BBS9: variants seen among roughly 807,000 people sequenced by gnomAD.
BBS9 encodes protein PTHB1.
BBS9 carries 89 observed loss-of-function variants against 117.7 expected under a neutral mutation model. The observed-to-expected ratio is 0.76, with a 90% CI of 0.64 to 0.90. BBS9 has a LOEUF of 0.90. Among genes scored for constraint, BBS9 ranks in the 40% least tolerant of loss-of-function variants. The probability of loss-of-function intolerance (pLI) is 0.00; values close to 1 mark genes in which losing one functional copy is unlikely to be tolerated. For missense variants in BBS9, 982 were observed against 1,042.2 expected, an observed-to-expected ratio of 0.94 and a Z score of 0.80; for synonymous variants, 379 against 370.9, an observed-to-expected ratio of 1.02 and a Z score of -0.25.
rs113252454 is a variant in BBS9 at position 33,566,467 on chromosome 7, C to G, written c.2521+32291C>G. Among the ~76,000 whole-genome samples the G allele has an allele frequency of 6.6e-3, 1,007 of 152,036 alleles. 6 individuals are homozygous for G. Among genetic ancestry groups the G allele is most frequent in the African/African-American group, 0.023 (942 of 41,494 alleles). The stretch of plus-strand genomic sequence containing the variant: ...AGAGAATTTTGGGAGTAACATCACC[C>G]TTAAAGTTCCCACTTAATGAAGAAA... On this transcript the variant is annotated intron_variant, in intron 21 of 22. Transcript: ENST00000242067.
chr7:33,541,960 T>C (rs1326994089), intron 21 of BBS9, among the ~76,000 whole-genome samples: 2 of 141,952 alleles, frequency 1.4e-5, no homozygotes, highest in African/African-American at 5.2e-5. Flanking sequence ...TTTAAAAACA[T>C]TTTTTAGTGT....
chr7:33,557,531 AT>A (rs1855475453), intron 21 of BBS9, among the ~76,000 whole-genome samples: 1 of 16,666 alleles, frequency 6.0e-5, no homozygotes, highest in Admixed American at 9.3e-4. Context: ...AACTTGACCC[AT>A]TTAGTTTCAT....
chr7:33,492,202 C>CAAAAAAAAAAAAAAAA (rs1563251353), intron 19 of BBS9, among the ~76,000 whole-genome samples: 6 of 41,092 alleles, frequency 1.5e-4, no homozygotes, highest in African/African-American at 1.0e-3. Context: ...GATTCCACCT[C>CAAAAAAAAAAAAAAAA]GAAAAAAAAA....
intron 5 of BBS9, 40 bp downstream of exon 5, chr7:33,177,631 C>A: frequency 7.5e-7 from 1 of 1,339,470 alleles, no homozygotes; most frequent in Non-Finnish European, 1.1e-6. Context: ...TTTCAAGTGA[C>A]AGATTTAGAA....
chr7:33,236,675 G>C (rs372975693), intron 5 of BBS9, among the ~76,000 whole-genome samples: 1 of 151,840 alleles, frequency 6.6e-6, no homozygotes, highest in Non-Finnish European at 1.5e-5. Flanking sequence ...ATATATTAAT[G>C]GGGTACAATG....
rs78104474 is a variant in BBS9, at chr7:33,401,837, C to T, written c.2115+13693C>T. 0.02 allele frequency among the ~76,000 whole-genome samples: 2,988 copies of T among 152,096 alleles called. 199 individuals carry two copies. In the East Asian group the frequency reaches 0.26, roughly 13 times the overall value. On this transcript the variant is annotated intron_variant, in intron 19 of 22. Transcript: ENST00000242067. ...GATTCTACAGAATGTAGATTTTTTTCCCCCACAAGAGACAGCTTTGCAGGG... is the reference window on the plus strand; with the variant it reads ...GATTCTACAGAATGTAGATTTTTTTTCCCCACAAGAGACAGCTTTGCAGGG...
At chr7:33,401,670 G>A (rs1458401832) in intron 19 of BBS9, among the ~76,000 whole-genome samples, 1 of 152,112 alleles carries the variant, frequency 6.6e-6, no homozygotes, top group African/African-American at 2.4e-5. Context: ...GGAATATCTG[G>A]GTTAAGACAA....
intron 9 of BBS9, among the ~76,000 whole-genome samples, chr7:33,305,772 T>A (rs1053323763): frequency 3.3e-5 from 5 of 152,138 alleles, no homozygotes; most frequent in African/African-American, 1.2e-4. Context: ...ATATCTTATT[T>A]TATTTATTTG....
chr7:33,160,444 C>T (rs563554877), intron 4 of BBS9, among the ~76,000 whole-genome samples: 1 of 152,294 alleles, frequency 6.6e-6, no homozygotes, highest in Non-Finnish European at 1.5e-5. Context: ...AGGCTGGCTG[C>T]AAAATCCTTC....
chr7:33,517,441 T>G (rs1847960747), intron 20 of BBS9, among the ~76,000 whole-genome samples: 1 of 152,230 alleles, frequency 6.6e-6, no homozygotes, highest in East Asian at 1.9e-4. Context: ...CAATGACTGA[T>G]AGACTTAGTA....
At chr7:33,360,651 G>T (rs973958721) in intron 16 of BBS9, among the ~76,000 whole-genome samples, 1 of 151,324 alleles carries the variant, frequency 6.6e-6, no homozygotes, top group Non-Finnish European at 1.5e-5. Flanking sequence ...CTCTAGAGTA[G>T]CTGAGACTAC....
intron 21 of BBS9, among the ~76,000 whole-genome samples, chr7:33,617,051 TTTAA>T (rs750019929): frequency 6.6e-6 from 1 of 152,084 alleles, no homozygotes; most frequent in Non-Finnish European, 1.5e-5. Flanking sequence ...ATTCTTTTTT[TTTAA>T]ATAAACGGGT....
chr7:33,485,308 GTTTT>G (rs371550940), intron 19 of BBS9, among the ~76,000 whole-genome samples: 1 of 127,174 alleles, frequency 7.9e-6, no homozygotes, highest in Non-Finnish European at 1.7e-5. Context: ...TAACATAAAA[GTTTT>G]TTTTTTTTTT....
At chr7:33,153,702 T>C (rs10257361) in intron 3 of BBS9, among the ~76,000 whole-genome samples, 76,342 of 151,480 alleles carry the variant, frequency 0.5, 19,266 homozygotes, top group East Asian at 0.67. Flanking sequence ...AGCATTCACA[T>C]TCTTCTAGTG....
intron 19 of BBS9, among the ~76,000 whole-genome samples, chr7:33,440,689 C>T (rs1836033797): frequency 6.6e-6 from 1 of 152,184 alleles, no homozygotes; most frequent in Non-Finnish European, 1.5e-5. Context: ...AATCACAGCA[C>T]ATTAAGTTAG....
chr7:33,546,229 G>T (rs910590280), intron 21 of BBS9, among the ~76,000 whole-genome samples: 1 of 151,800 alleles, frequency 6.6e-6, no homozygotes, highest in Non-Finnish European at 1.5e-5. Flanking sequence ...CACTGCGCCC[G>T]GCCTATAATC....
chr7:33,353,735 A>C (rs1230953233), intron 15 of BBS9, among the ~76,000 whole-genome samples: 2 of 152,088 alleles, frequency 1.3e-5, no homozygotes, highest in Non-Finnish European at 2.9e-5. Context: ...AATATTTACT[A>C]ATGCCGTTTG....
intron 19 of BBS9, among the ~76,000 whole-genome samples, chr7:33,433,302 A>C (rs1834806319): frequency 6.6e-6 from 1 of 152,188 alleles, no homozygotes; most frequent in African/African-American, 2.4e-5. Context: ...CTTCAATCAC[A>C]GTCATCTGTA....
chr7:33,152,670 C>T (rs1793518413), intron 2 of BBS9, 31 bp from the exon 3 acceptor site: 1 of 1,574,600 alleles, frequency 6.4e-7, no homozygotes, highest in Non-Finnish European at 8.7e-7. Flanking sequence ...TTGTTTCTCC[C>T]TCTATCTTTT....
Sources: gnomAD v4.1 joint callset for allele counts (sites outside exome capture counted in the v4.1 genomes callset) on GRCh38, gnomAD v4.1.1 for gene constraint, MANE v1.5 for transcripts, NCBI Gene and HGNC (gene_info 2026-07-23, HGNC 2026-07-21) for gene names.